Variants in FBXL7 observed in about 807,000 individuals in gnomAD.
FBXL7 encodes the protein F-box/LRR-repeat protein 7.
Under a neutral mutation model 38.3 loss-of-function variants are expected in FBXL7, and 12 were observed. The ratio of observed to expected loss-of-function variants is 0.31; its 90% confidence interval spans 0.20 to 0.51. FBXL7 has a LOEUF of 0.51. FBXL7 is among the 20% of genes least tolerant of loss of function. The pLI is 0.98. For synonymous variants in FBXL7, 297 were observed against 300.9 expected (o/e 0.99, Z 0.13); for missense variants, 567 against 676.4 (o/e 0.84, Z 1.79).
At chr5:15,778,194 A>T (rs1401009364) in intron 2 of FBXL7, among the ~76,000 whole-genome samples, 1 of 152,040 alleles carries the variant, frequency 6.6e-6, no homozygotes, top group African/African-American at 2.4e-5. Context: ...GGTATCATCA[A>T]AGGCTGTTTC....
intron 1 of FBXL7, among the ~76,000 whole-genome samples, chr5:15,547,357 C>T (rs541309041): frequency 1.3e-5 from 2 of 152,178 alleles, no homozygotes; most frequent in Non-Finnish European, 2.9e-5. Context: ...CCACGCTTAG[C>T]AGCTGTGGGT....
chr5:15,927,800 A>ATAAT, intron 2 of FBXL7, 90 bp from the exon 3 acceptor site: 1 of 970,622 alleles, frequency 1.0e-6, no homozygotes, highest in Non-Finnish European at 1.4e-6. Context: ...AGAAGAAAGA[A>ATAAT]AAGAAAAGAA....
At chr5:15,737,712 TTGTC>T (rs1490663750) in intron 2 of FBXL7, among the ~76,000 whole-genome samples, 1 of 152,220 alleles carries the variant, frequency 6.6e-6, no homozygotes, top group African/African-American at 2.4e-5. Context: ...TTTTATCACT[TTGTC>T]TGTATACATT....
chr5:15,569,955 G>A (rs1738718747), intron 1 of FBXL7, among the ~76,000 whole-genome samples: 1 of 152,168 alleles, frequency 6.6e-6, no homozygotes, highest in South Asian at 2.1e-4. Context: ...TGATCATGGT[G>A]GATAAGTTTT....
chr5:15,764,540 G>A (rs963521673), intron 2 of FBXL7, among the ~76,000 whole-genome samples: 4 of 152,146 alleles, frequency 2.6e-5, no homozygotes, highest in African/African-American at 9.7e-5. Flanking sequence ...CCGTGATGAG[G>A]AGGGATAGGA....
chr5:15,927,421 C>A (rs1016736919), intron 2 of FBXL7, among the ~76,000 whole-genome samples: 8 of 152,064 alleles, frequency 5.3e-5, no homozygotes, highest in Non-Finnish European at 7.4e-5. Flanking sequence ...GGAGTCGGCC[C>A]AGGGAGGACA....
chr5:15,502,663 A>T (rs1736528961), intron 1 of FBXL7, among the ~76,000 whole-genome samples: 1 of 152,196 alleles, frequency 6.6e-6, no homozygotes, highest in Non-Finnish European at 1.5e-5. Flanking sequence ...GGTGAGGAAA[A>T]CAGAAATAGA....
intron 2 of FBXL7, among the ~76,000 whole-genome samples, chr5:15,800,075 T>C (rs886878451): frequency 6.6e-6 from 1 of 152,204 alleles, no homozygotes; most frequent in African/African-American, 2.4e-5. Flanking sequence ...AATAACAATA[T>C]CTTATCCATT....
At chr5:15,838,279 C>A (rs1465201163) in intron 2 of FBXL7, among the ~76,000 whole-genome samples, 3 of 152,112 alleles carry the variant, frequency 2.0e-5, no homozygotes, top group South Asian at 2.1e-4. Context: ...GGCTGGAGAA[C>A]CCTAGATTGA....
chr5:15,916,752 C>T (rs896264744), intron 2 of FBXL7, among the ~76,000 whole-genome samples: 1 of 152,214 alleles, frequency 6.6e-6, no homozygotes, highest in Non-Finnish European at 1.5e-5. Context: ...AGAGTAAGTA[C>T]ATTGTGCTCT....
chr5:15,748,004 A>G (rs1736058415), intron 2 of FBXL7, among the ~76,000 whole-genome samples: 1 of 152,136 alleles, frequency 6.6e-6, no homozygotes, highest in African/African-American at 2.4e-5. Context: ...AGCTTTACCT[A>G]TTCCAGTGGT....
chr5:15,594,568 T>TG (rs565546982), intron 1 of FBXL7, among the ~76,000 whole-genome samples: 47 of 152,050 alleles, frequency 3.1e-4, no homozygotes, highest in Admixed American at 1.2e-3. Context: ...GGGATGGAGG[T>TG]GGGAGATAGT....
chr5:15,826,184 C>T (rs563419226), intron 2 of FBXL7, among the ~76,000 whole-genome samples: 1 of 152,288 alleles, frequency 6.6e-6, no homozygotes, highest in African/African-American at 2.4e-5. Context: ...AGCTCCAGTT[C>T]TTTTCGAAGT....
intron 1 of FBXL7, among the ~76,000 whole-genome samples, chr5:15,562,942 T>G (rs1373832382): frequency 6.6e-6 from 1 of 151,710 alleles, no homozygotes; most frequent in African/African-American, 2.4e-5. Context: ...AAAGGAAGAG[T>G]GAAAAGGGAT....
At chr5:15,840,195 A>C (rs927195567) in intron 2 of FBXL7, among the ~76,000 whole-genome samples, 5 of 152,208 alleles carry the variant, frequency 3.3e-5, no homozygotes, top group Non-Finnish European at 7.3e-5. Context: ...AGAAGACCTC[A>C]GGCTGCAAAG....
At chr5:15,586,851 A>C (rs1473432015) in intron 1 of FBXL7, among the ~76,000 whole-genome samples, 1 of 152,160 alleles carries the variant, frequency 6.6e-6, no homozygotes, top group African/African-American at 2.4e-5. Context: ...AGACCGTTTA[A>C]ATTTTCTTTT....
At chr5:15,656,613 G>A (rs1211477013) in intron 2 of FBXL7, among the ~76,000 whole-genome samples, 1 of 151,940 alleles carries the variant, frequency 6.6e-6, no homozygotes, top group African/African-American at 2.4e-5. Flanking sequence ...TGGGAGTTAC[G>A]GCAGCTACAA....
chr5:15,668,461 G>A (rs1742357356), intron 2 of FBXL7, among the ~76,000 whole-genome samples: 1 of 151,826 alleles, frequency 6.6e-6, no homozygotes, highest in Non-Finnish European at 1.5e-5. Context: ...TAGAAGCTGG[G>A]TATGGCCATT....
rs574822454 is a variant in FBXL7 at position 15,510,096 on chromosome 5, T to C, written c.37+9383T>C. 3.3e-5 allele frequency among the ~76,000 whole-genome samples: 5 copies of C among 152,336 alleles called. No individual in the cohort carries two copies. In the East Asian group the frequency reaches 9.6e-4, roughly 29 times the overall value. On this transcript the variant is annotated intron_variant, in intron 1 of 3. Transcript: ENST00000504595. ...AATTACATTTACTCATTCTATCAGT[T>C]CCTCTTTAAATTCTTAAACCAGTAA...
Sources: allele counts gnomAD v4.1 joint callset (sites outside exome capture counted in the v4.1 genomes callset), GRCh38; gene constraint gnomAD v4.1.1; transcripts MANE v1.5; gene names NCBI Gene and HGNC (gene_info 2026-07-23, HGNC 2026-07-21).